The following HK1 variants were observed in gnomAD, a reference collection of about 807,000 sequenced individuals.
The protein encoded by HK1 is hexokinase 1.
A neutral mutation model predicts 91.6 loss-of-function variants in HK1; 28 were observed. The observed-to-expected ratio is 0.31, with a 90% CI of 0.23 to 0.42. The LOEUF (loss-of-function observed/expected upper bound fraction) is 0.42, where lower values mean the gene tolerates loss of function less well. HK1 is among the 10% of genes least tolerant of loss of function. HK1 has a pLI of 1.00. For synonymous variants in HK1, 430 were observed against 468.1 expected (o/e 0.92, Z 1.05); for missense variants, 770 against 1,219.8 (o/e 0.63, Z 5.49).
intron 10 of HK1, among the ~76,000 whole-genome samples, chr10:69,383,341 C>T (rs1244390182): frequency 6.6e-6 from 1 of 152,168 alleles, no homozygotes; most frequent in East Asian, 1.9e-4. Flanking sequence ...TGGGGAGTTT[C>T]GCATTCAGGC....
In HK1 at chr10:69,287,975, C is replaced by CA. The variant is rs35699014; in HGVS notation, c.-214-680dup. 1.9e-3 allele frequency among the ~76,000 whole-genome samples: 225 copies of CA among 115,862 alleles called. 1 individual carries two copies. The highest frequency in any genetic ancestry group is 3.9e-3 in the Admixed American group (43 of 11,026). 76.0% of individuals were successfully genotyped at this position (115,862 alleles called of 152,430 possible). A position where few individuals can be genotyped will look rare whatever the true frequency, so the allele number is the denominator to read the frequency against. ...GCAACATAGCAAGACACTGTGTCTA[C>CA]AAAAAAAAAAAAAAAATTAAAAATT... On this transcript the variant is annotated intron_variant, in intron 2 of 21. Coordinates refer to the HK1 transcript ENST00000360289.
At chr10:69,344,110 C>G in intron 2 of HK1, 121 bp downstream of exon 2, 1 of 983,824 alleles carries the variant, frequency 1.0e-6, no homozygotes, top group Non-Finnish European at 1.6e-6. Context: ...AATCTGCTCT[C>G]CCATCCATCC....
rs145343738 is a variant in HK1 at position 69,300,638 on chromosome 10, A to C, written c.-66-131A>C. The C allele has an allele frequency of 4.3e-4, 316 of 740,040 alleles. 14 individuals carry two copies. In the African/African-American group the frequency reaches 4.8e-3, roughly 11 times the overall value. The allele number at this position is 740,040 out of a possible 1,614,324, so 45.8% of individuals were successfully genotyped here. ...TTAGACTGCCTGTGAGGTTCACAAC[A>C]ATTTGCCTAGCTCTGTGATCATCCA... On this transcript the variant is annotated intron_variant, in intron 4 of 21. Transcript: ENST00000360289.
At chr10:69,373,870 G>A (rs937998166) in intron 7 of HK1, among the ~76,000 whole-genome samples, 8 of 152,168 alleles carry the variant, frequency 5.3e-5, no homozygotes, top group African/African-American at 1.9e-4. Flanking sequence ...CATTACAGGT[G>A]TGAGCTACTG....
upstream of HK1, among the ~76,000 whole-genome samples, chr10:69,311,483 A>G (rs1399749821): frequency 6.6e-6 from 1 of 152,164 alleles, no homozygotes; most frequent in East Asian, 1.9e-4. Context: ...ACTCAGGGTA[A>G]CTGGCAAGGT....
intron 4 of HK1, 61 bp from the exon 5 acceptor site, chr10:69,368,475 G>A (rs1849820516): frequency 2.1e-6 from 3 of 1,418,564 alleles, no homozygotes; most frequent in Non-Finnish European, 3.0e-6. Context: ...GCAATGCCCA[G>A]GGCCTTGGGG....
At chr10:69,374,421 G>A (rs1050649277) in intron 7 of HK1, among the ~76,000 whole-genome samples, 5 of 152,230 alleles carry the variant, frequency 3.3e-5, no homozygotes, top group African/African-American at 4.8e-5. Context: ...TCTGACTGCC[G>A]AGACACCTGG....
chr10:69,341,725 G>GCC, intron 1 of HK1, among the ~76,000 whole-genome samples: 1 of 151,884 alleles, frequency 6.6e-6, no homozygotes, highest in East Asian at 1.9e-4. Context: ...CAAAGTTCTA[G>GCC]AATTACAGGT....
At chr10:69,283,174 C>A (rs111866111) in intron 2 of HK1, among the ~76,000 whole-genome samples, 2 of 140,756 alleles carry the variant, frequency 1.4e-5, no homozygotes, top group African/African-American at 5.2e-5. Flanking sequence ...TGGCAGGGTG[C>A]GGTGGCTCAC....
At chr10:69,377,854 G>T (rs529527183) in intron 8 of HK1, among the ~76,000 whole-genome samples, 1 of 152,294 alleles carries the variant, frequency 6.6e-6, no homozygotes, top group South Asian at 2.1e-4. Flanking sequence ...TGACGTGCAA[G>T]TTTGAGAAAC....
chr10:69,367,983 C>T (rs77255175), intron 4 of HK1, among the ~76,000 whole-genome samples: 4 of 152,318 alleles, frequency 2.6e-5, no homozygotes, highest in East Asian at 1.9e-4. Flanking sequence ...TTACAAATGG[C>T]GGTTAAGTCC....
At chr10:69,333,647 C>G (rs1847841567) in intron 1 of HK1, among the ~76,000 whole-genome samples, 1 of 151,932 alleles carries the variant, frequency 6.6e-6, no homozygotes, top group African/African-American at 2.4e-5. Flanking sequence ...GCTCTGCTTG[C>G]TGGGGGCCTG....
chr10:69,330,713 C>T (rs909008582), intron 1 of HK1, among the ~76,000 whole-genome samples: 1 of 152,134 alleles, frequency 6.6e-6, no homozygotes, highest in Non-Finnish European at 1.5e-5. Context: ...ATCCTTATCT[C>T]TGGAGATACA....
At chr10:69,299,491 C>A (rs1487054278) in intron 4 of HK1, among the ~76,000 whole-genome samples, 1 of 151,500 alleles carries the variant, frequency 6.6e-6, no homozygotes, top group African/African-American at 2.4e-5. Context: ...CTCAGCCTCC[C>A]GAGTAGTTGG....
At chr10:69,398,495 A>G in intron 16 of HK1, 100 bp from the exon 17 acceptor site, 1 of 819,586 alleles carries the variant, frequency 1.2e-6, no homozygotes, top group Admixed American at 2.0e-5. Context: ...TCTGTGGATG[A>G]GTACAGTGAT....
At chr10:69,376,791 C>A in intron 7 of HK1, 143 bp from the exon 8 acceptor site, 1 of 1,043,212 alleles carries the variant, frequency 9.6e-7, no homozygotes. Context: ...TTCAGTCACT[C>A]AAGCACATGG....
In HK1 at chr10:69,370,599, C is replaced by T. The variant is rs573339305; in HGVS notation, c.875+975C>T. Among the ~76,000 whole-genome samples the T allele has an allele frequency of 2.6e-5, 4 of 152,180 alleles. No homozygotes were observed. The South Asian group carries it at 6.2e-4, about 24-fold the overall frequency. On this transcript the variant is annotated intron_variant, in intron 7 of 17. Coordinates refer to ENST00000359426, the MANE Select transcript of HK1 (RefSeq NM_000188.3). ...GAGCTCTGTGCTAGGCTCTGAGGAT[C>T]CAAAACAGCACCTTCCCTCCCAAGA...
At chr10:69,353,184 C>G (rs929713182) in intron 2 of HK1, among the ~76,000 whole-genome samples, 11 of 152,172 alleles carry the variant, frequency 7.2e-5, no homozygotes, top group Non-Finnish European at 1.5e-4. Context: ...GGGTTGCTGT[C>G]AGCCCCAACC....
chr10:69,290,042 T>C (rs1196154689), intron 3 of HK1, among the ~76,000 whole-genome samples: 2 of 152,206 alleles, frequency 1.3e-5, no homozygotes, highest in Non-Finnish European at 1.5e-5. Flanking sequence ...AATTAATCTA[T>C]GCTGTAGGTG....
Sources: gnomAD v4.1 joint callset for allele counts (sites outside exome capture counted in the v4.1 genomes callset) on GRCh38, gnomAD v4.1.1 for gene constraint, MANE v1.5 for transcripts, NCBI Gene and HGNC (gene_info 2026-07-23, HGNC 2026-07-21) for gene names.